The following CPAMD8 variants were observed in gnomAD, a reference collection of about 807,000 sequenced individuals.
CPAMD8 encodes C3 and PZP like alpha-2-macroglobulin domain containing 8.
Under a neutral mutation model 224.7 loss-of-function variants are expected in CPAMD8, and 146 were observed. The observed-to-expected ratio is 0.65, with a 90% CI of 0.57 to 0.75. CPAMD8 has a LOEUF of 0.75. CPAMD8 is among the 30% of genes least tolerant of loss of function. The pLI is 0.00. For synonymous variants in CPAMD8, 966 were observed against 1,044.6 expected, an observed-to-expected ratio of 0.92 and a Z score of 1.45; for missense variants, 2,301 against 2,537.5, an observed-to-expected ratio of 0.91 and a Z score of 2.00.
At chr19:17,009,174 G>C in intron 6 of CPAMD8, 129 bp downstream of exon 6, 1 of 1,519,360 alleles carries the variant, frequency 6.6e-7, no homozygotes, top group Non-Finnish European at 9.1e-7. Flanking sequence ...GAAGAGGCCA[G>C]GTCCCAGCCT....
chr19:16,966,744 A>G (rs2054840372), intron 18 of CPAMD8, among the ~76,000 whole-genome samples: 1 of 152,238 alleles, frequency 6.6e-6, no homozygotes, highest in South Asian at 2.1e-4. Flanking sequence ...AAAAATGCTC[A>G]TCATCACTGG....
intron 19 of CPAMD8, among the ~76,000 whole-genome samples, chr19:16,955,681 C>T (rs1274858749): frequency 6.6e-6 from 1 of 152,046 alleles, no homozygotes; most frequent in African/African-American, 2.4e-5. Context: ...ATTTTTGAAT[C>T]ATTTTCCCTT....
intron 17 of CPAMD8, among the ~76,000 whole-genome samples, chr19:16,973,021 T>C (rs1030807805): frequency 3.3e-5 from 5 of 151,546 alleles, no homozygotes; most frequent in Non-Finnish European, 7.4e-5. Flanking sequence ...CGAAAAAAAT[T>C]AGCGAGGCAT....
chr19:16,893,601 C>A, intron 41 of CPAMD8: 1 of 396,910 alleles, frequency 2.5e-6, no homozygotes, highest in Non-Finnish European at 4.5e-6. Flanking sequence ...CCAGGGGTCA[C>A]AAAGGGGAAT....
intron 18 of CPAMD8, among the ~76,000 whole-genome samples, chr19:16,960,927 G>T (rs987102542): frequency 6.6e-6 from 1 of 151,760 alleles, no homozygotes; most frequent in Non-Finnish European, 1.5e-5. Context: ...CCCTTCTGAA[G>T]AAGGGAATGG....
intron 27 of CPAMD8, among the ~76,000 whole-genome samples, chr19:16,918,048 T>C (rs2053027686): frequency 6.6e-6 from 1 of 152,174 alleles, no homozygotes. Flanking sequence ...CAGGCTGGAG[T>C]GCAGTGGCAC....
chr19:16,997,376 G>A (rs979056674), intron 10 of CPAMD8, 38 bp from the exon 11 acceptor site: 2 of 1,234,634 alleles, frequency 1.6e-6, no homozygotes, highest in Non-Finnish European at 2.3e-6. Flanking sequence ...CTCACTCAGG[G>A]TTGGAGTGTC....
chr19:16,914,364 C>A (rs1192083163), intron 29 of CPAMD8, 60 bp downstream of exon 29: 43 of 1,403,758 alleles, frequency 3.1e-5, no homozygotes, highest in South Asian at 1.5e-4. Context: ...AAGGAGGGAA[C>A]CTTCCATTTG....
chr19:16,968,672 T>A (rs960611750), intron 18 of CPAMD8, among the ~76,000 whole-genome samples: 1 of 152,210 alleles, frequency 6.6e-6, no homozygotes, highest in Non-Finnish European at 1.5e-5. Flanking sequence ...AGAGTCTCAC[T>A]CTGTCACTCA....
At chr19:16,984,790 A>G (rs2055653617) in intron 13 of CPAMD8, among the ~76,000 whole-genome samples, 1 of 152,172 alleles carries the variant, frequency 6.6e-6, no homozygotes, top group African/African-American at 2.4e-5. Context: ...AGAGAGGATC[A>G]CTTGAGGCCA....
At chr19:16,903,897 G>A (rs2052364231) in intron 32 of CPAMD8, 40 bp from the exon 33 acceptor site, 1 of 1,599,220 alleles carries the variant, frequency 6.3e-7, no homozygotes, top group Admixed American at 1.7e-5. Flanking sequence ...CCCTGAGACT[G>A]AGTTGGCCAG....
At position 16,893,264 on chromosome 19, in the gene CPAMD8, G is replaced by A. The variant is rs1420865734; in HGVS notation, c.5502C>T (p.His1834=). 2 of 1,568,886 alleles carry A rather than the reference G, an allele frequency of 1.3e-6. No homozygotes were observed. Among genetic ancestry groups the A allele is most frequent in the Non-Finnish European group, 1.7e-6 (2 of 1,156,242 alleles). Residue 1834 remains histidine, a synonymous_variant, in exon 42 of 42, where the codon CAC becomes CAT. Transcript: ENST00000443236. The stretch of plus-strand genomic sequence containing the variant: ...GAGGGGCCGGAGTCTGGCCCCATCT[G>A]TGGAACGGGCTGGCGCTCTGGGTGC... The part of the protein sequence containing the change: ...ESSTQSASPF[H]RWGQTPAPQR...
At chr19:16,976,759 G>A (rs894737383) in intron 15 of CPAMD8, among the ~76,000 whole-genome samples, 3 of 151,886 alleles carry the variant, frequency 2.0e-5, no homozygotes, top group Non-Finnish European at 4.4e-5. Context: ...TTGCAGGGAG[G>A]AGCCAGGCGC....
intron 3 of CPAMD8, among the ~76,000 whole-genome samples, chr19:17,018,454 C>T (rs2056867226): frequency 6.6e-6 from 1 of 152,074 alleles, no homozygotes; most frequent in African/African-American, 2.4e-5. Flanking sequence ...ACAGCAAGAC[C>T]CAGTGAGAGG....
At chr19:17,017,849 G>T (rs1355302616) in intron 3 of CPAMD8, among the ~76,000 whole-genome samples, 2 of 152,128 alleles carry the variant, frequency 1.3e-5, no homozygotes, top group African/African-American at 4.8e-5. Context: ...TGGCCAACAT[G>T]ATGAAACCCC....
At chr19:16,955,613 A>G (rs956592930) in intron 19 of CPAMD8, among the ~76,000 whole-genome samples, 4 of 152,218 alleles carry the variant, frequency 2.6e-5, no homozygotes, top group Non-Finnish European at 4.4e-5. Context: ...ACACTTAAAA[A>G]TGGTTAAGAT....
intron 13 of CPAMD8, among the ~76,000 whole-genome samples, chr19:16,984,900 C>T (rs73928418): frequency 0.05 from 7,664 of 152,278 alleles, 366 homozygotes; most frequent in African/African-American, 0.13. Flanking sequence ...TGCACATGCA[C>T]ACTCATGTGT....
chr19:16,979,543 CATCCATCTATCCACCT>C (rs2055427911), intron 14 of CPAMD8, among the ~76,000 whole-genome samples: 3 of 151,528 alleles, frequency 2.0e-5, no homozygotes, highest in African/African-American at 7.3e-5. Flanking sequence ...TCTGTCCATT[CATCCATCTATCCACCT>C]ATCCATCCAT....
chr19:16,897,822 G>A, intron 38 of CPAMD8, 21 bp from the exon 39 acceptor site: 1 of 1,573,492 alleles, frequency 6.4e-7, no homozygotes. Flanking sequence ...AGGGTGGCGG[G>A]TGACCAAGTG....
Sources: allele counts gnomAD v4.1 joint callset (sites outside exome capture counted in the v4.1 genomes callset), GRCh38; gene constraint gnomAD v4.1.1; transcripts MANE v1.5; gene names NCBI Gene and HGNC (gene_info 2026-07-23, HGNC 2026-07-21).